KATNAL2: variants seen among roughly 807,000 people sequenced by gnomAD.
The protein encoded by KATNAL2 is katanin catalytic subunit A1 like 2, also known as katanin p60 ATPase-containing subunit A-like 2.
Under a neutral mutation model 76.3 loss-of-function variants are expected in KATNAL2, and 52 were observed. The ratio of observed to expected loss-of-function variants is 0.68; its 90% CI spans 0.55 to 0.86. KATNAL2 has a LOEUF of 0.86. Among genes scored for constraint, KATNAL2 ranks in the 40% least tolerant of loss-of-function variants. The pLI is 0.00. For synonymous variants in KATNAL2, 243 were observed against 244.2 expected, an observed-to-expected ratio of 1.00 and a Z score of 0.05; for missense variants, 660 against 668.9, an observed-to-expected ratio of 0.99 and a Z score of 0.15.
intron 15 of KATNAL2, among the ~76,000 whole-genome samples, chr18:47,081,935 C>T (rs888755150): frequency 6.6e-6 from 1 of 152,126 alleles, no homozygotes; most frequent in Non-Finnish European, 1.5e-5. Flanking sequence ...AATAATGAGT[C>T]CATGCTAGTA....
chr18:47,042,192 T>C (rs1227559731), intron 3 of KATNAL2, among the ~76,000 whole-genome samples: 2 of 152,238 alleles, frequency 1.3e-5, no homozygotes, highest in Non-Finnish European at 2.9e-5. Context: ...TCGAGGATTA[T>C]ATTTTTAAAT....
intron 3 of KATNAL2, among the ~76,000 whole-genome samples, chr18:46,952,391 ATGT>A (rs1252195017): frequency 9.6e-6 from 1 of 104,186 alleles, no homozygotes; most frequent in African/African-American, 3.8e-5. Context: ...GCCTGCAGGT[ATGT>A]TTTTTTTTTT....
chr18:47,099,436 G>GT (rs1167167181), intron 16 of KATNAL2, 31 bp downstream of exon 16: 1 of 1,574,862 alleles, frequency 6.3e-7, no homozygotes, highest in Admixed American at 1.8e-5. Flanking sequence ...GCACATGTAG[G>GT]TCAAGGGCCC....
intron 13 of KATNAL2, among the ~76,000 whole-genome samples, chr18:47,072,293 G>A (rs986398520): frequency 2.0e-5 from 3 of 151,584 alleles, no homozygotes; most frequent in African/African-American, 4.9e-5. Context: ...AAAGTAACTA[G>A]CCTTTTAAAA....
chr18:47,069,623 T>A (rs756677905), intron 13 of KATNAL2, 23 bp downstream of exon 13: 8 of 1,533,542 alleles, frequency 5.2e-6, no homozygotes, highest in Non-Finnish European at 6.3e-6. Context: ...AATTTTGTTT[T>A]TAAAAATAAG....
intron 8 of KATNAL2, among the ~76,000 whole-genome samples, chr18:47,061,127 G>A (rs1390500312): frequency 6.6e-6 from 1 of 152,148 alleles, no homozygotes. Flanking sequence ...TATGGCCTGG[G>A]GCCAATCTCA....
At chr18:46,961,918 A>G (rs1421018082) in intron 3 of KATNAL2, among the ~76,000 whole-genome samples, 1 of 152,202 alleles carries the variant, frequency 6.6e-6, no homozygotes, top group African/African-American at 2.4e-5. Context: ...GTTTGCTACT[A>G]AGAATATAAG....
At chr18:47,061,220 T>A (rs980682475) in intron 8 of KATNAL2, among the ~76,000 whole-genome samples, 1 of 152,198 alleles carries the variant, frequency 6.6e-6, no homozygotes. Flanking sequence ...TGAGGCTGAG[T>A]AGTTTATAAA....
rs75733962 is a variant in KATNAL2 at position 46,960,849 on chromosome 18, G to A, written c.51+13926G>A. On this transcript the variant is annotated intron_variant, in intron 3 of 17. Transcript: ENST00000683218. ...GCAAGTAACTAAACTGTAGAGGGACGAGACGCGGACAAAACCCCTCAGACA... is the reference window on the plus strand; with the variant it reads ...GCAAGTAACTAAACTGTAGAGGGACAAGACGCGGACAAAACCCCTCAGACA... Among the ~76,000 whole-genome samples, 114 of 152,308 alleles carry A rather than the reference G, an allele frequency of 7.5e-4. 3 individuals carry two copies. In the East Asian group the frequency reaches 0.021, roughly 28 times the overall value.
intron 14 of KATNAL2, chr18:47,076,573 T>C (rs1407132393): frequency 6.6e-6 from 1 of 152,198 alleles, no homozygotes; most frequent in Non-Finnish European, 1.5e-5. Context: ...GCTATCCTTG[T>C]GTGTGCTCCA....
intron 3 of KATNAL2, chr18:46,969,621 GC>G: frequency 7.9e-7 from 1 of 1,262,144 alleles, no homozygotes; most frequent in Non-Finnish European, 1.1e-6. Context: ...TGGACAGGAG[GC>G]GATTTCTGAG....
At chr18:46,923,241 C>T (rs926277650) in intron 1 of KATNAL2, among the ~76,000 whole-genome samples, 25 of 118,656 alleles carry the variant, frequency 2.1e-4, no homozygotes, top group African/African-American at 7.7e-4. Flanking sequence ...CAGTCCCCGT[C>T]CCCGGTGTGT....
chr18:47,034,639 G>T (rs762964252), intron 3 of KATNAL2: 19 of 1,614,038 alleles, frequency 1.2e-5, no homozygotes, highest in East Asian at 4.5e-5. Flanking sequence ...CTGGCAGCCT[G>T]GACACAGCAG....
At chr18:46,956,997 C>A (rs563539737) in intron 3 of KATNAL2, among the ~76,000 whole-genome samples, 35 of 138,436 alleles carry the variant, frequency 2.5e-4, no homozygotes, top group Middle Eastern at 8.5e-3. Context: ...GAGCCAAGAT[C>A]ATGCCATTCA....
At chr18:47,037,233 G>T (rs2060809945) in intron 3 of KATNAL2, among the ~76,000 whole-genome samples, 1 of 152,056 alleles carries the variant, frequency 6.6e-6, no homozygotes, top group Non-Finnish European at 1.5e-5. Flanking sequence ...ATATCTTCTG[G>T]GTCTAAAACT....
chr18:47,082,103 T>A (rs1383257694), intron 15 of KATNAL2, among the ~76,000 whole-genome samples: 1 of 152,212 alleles, frequency 6.6e-6, no homozygotes, highest in Non-Finnish European at 1.5e-5. Flanking sequence ...AGCTTCTCAG[T>A]AATAACACCA....
intron 1 of KATNAL2, among the ~76,000 whole-genome samples, chr18:46,918,339 G>GT (rs1055377040): frequency 6.6e-6 from 1 of 152,160 alleles, no homozygotes; most frequent in African/African-American, 2.4e-5. Context: ...TTAAAACAAT[G>GT]TAACTTTTAA....
intron 15 of KATNAL2, among the ~76,000 whole-genome samples, chr18:47,079,654 CTTTT>C (rs969517606): frequency 3.3e-5 from 5 of 149,396 alleles, no homozygotes; most frequent in African/African-American, 9.8e-5. Flanking sequence ...GCCTCAGCCT[CTTTT>C]TTTTTTCTTT....
rs932806371 is a variant in KATNAL2, at chr18:46,946,904, C to T, written c.32C>T (p.Thr11Met). The T allele has an allele frequency of 5.2e-6, 8 of 1,534,310 alleles. No homozygotes were observed. The Admixed American group carries it at 7.8e-5, about 15-fold the overall frequency. MELSYQTLKF[T>M]HQAREACEMR... ...CTTTCCTACCAGACCCTGAAATTCA[C>T]GCATCAGGCGCGGGAAGCGGTAAGG... The change falls in exon 3 of 18, where the codon ACG (threonine) becomes ATG (methionine). Residue 11 changes from threonine to methionine, a missense_variant. Transcript: ENST00000683218.
Sources: gnomAD v4.1 joint callset for allele counts (sites outside exome capture counted in the v4.1 genomes callset) on GRCh38, gnomAD v4.1.1 for gene constraint, MANE v1.5 for transcripts, NCBI Gene and HGNC (gene_info 2026-07-23, HGNC 2026-07-21) for gene names.